Variants in SLC3A2 observed in about 807,000 individuals in gnomAD.
The protein encoded by SLC3A2 is solute carrier family 3 member 2.
SLC3A2 carries 32 observed loss-of-function variants against 48.5 expected under a neutral mutation model. The ratio of observed to expected loss-of-function variants is 0.66; its 90% confidence interval spans 0.50 to 0.89. The LOEUF (loss-of-function observed/expected upper bound fraction) is 0.89, where lower values mean the gene tolerates loss of function less well. SLC3A2 is among the 40% of genes least tolerant of loss of function. The pLI, the probability that SLC3A2 is intolerant of heterozygous loss-of-function variation, is 0.00. For synonymous variants in SLC3A2, 277 were observed against 288.8 expected (o/e 0.96, Z 0.41); for missense variants, 587 against 680.7 (o/e 0.86, Z 1.53).
At chr11:62,883,839 A>G (rs981247810) in intron 3 of SLC3A2, 1 of 363,714 alleles carries the variant, frequency 2.7e-6, no homozygotes, top group Non-Finnish European at 5.5e-6. Flanking sequence ...AATGGGGGTG[A>G]AGTTCCACAG....
chr11:62,859,538 C>T (rs975347776), intron 1 of SLC3A2, among the ~76,000 whole-genome samples: 6 of 152,008 alleles, frequency 3.9e-5, no homozygotes, highest in Non-Finnish European at 8.8e-5. Flanking sequence ...AAAAATAAGC[C>T]GGGCGTGGTG....
chr11:62,857,069 T>C (rs2085337590), intron 1 of SLC3A2, among the ~76,000 whole-genome samples: 1 of 152,072 alleles, frequency 6.6e-6, no homozygotes, highest in South Asian at 2.1e-4. Context: ...GTGATCCGCC[T>C]GCCTCGGCCT....
rs547760287 is a variant in SLC3A2 at position 62,856,719 on chromosome 11, G to C, written c.112+338G>C. On this transcript the variant is annotated intron_variant, in intron 1 of 9. Coordinates refer to the SLC3A2 transcript ENST00000377889. The stretch of plus-strand genomic sequence containing the variant: ...GCTGCAACTCCTGCCTGATCAATAT[G>C]GTTGCAGTCAGCTATAGACTGTTTT... Among the ~76,000 whole-genome samples, 446 of 152,280 alleles carry C rather than the reference G, an allele frequency of 2.9e-3. 2 individuals are homozygous for C. Among genetic ancestry groups the C allele is most frequent in the African/African-American group, 9.4e-3 (391 of 41,552 alleles).
intron 3 of SLC3A2, chr11:62,883,481 A>G (rs1302467913): frequency 1.1e-5 from 2 of 183,890 alleles, no homozygotes; most frequent in Admixed American, 5.3e-5. Flanking sequence ...ATAATTTGCC[A>G]TAGGTTCAAA....
chr11:62,859,246 G>A (rs1450625068), intron 1 of SLC3A2, among the ~76,000 whole-genome samples: 1 of 152,136 alleles, frequency 6.6e-6, no homozygotes, highest in Non-Finnish European at 1.5e-5. Context: ...CTCTTAAGGA[G>A]CATGCTGCCT....
In SLC3A2 at chr11:62,881,381, A is replaced by C. The variant is rs745569748; in HGVS notation, c.358A>C (p.Thr120Pro). Residue 120 changes from threonine to proline, a missense_variant, in exon 1 of 9, where the codon ACG becomes CCG. Physicochemically the swap from Thr to Pro is conservative, Grantham distance 38 (BLOSUM62 -1). Coordinates refer to ENST00000338663, the MANE Select transcript of SLC3A2 (RefSeq NM_001013251.3). This position sits in a 1 kb window ranked among gnomAD's most constrained non-coding sequence, Gnocchi z 4.0. ...GCTACCGGCGCAGAAGTGGTGGCAC[A>C]CGGGCGCCCTCTACCGCATCGGCGA... ...RELPAQKWWH[T>P]GALYRIGDLQ... is the part of the protein sequence containing the mutation. 11 of 1,597,096 alleles carry C rather than the reference A, an allele frequency of 6.9e-6. No homozygotes were observed. Among genetic ancestry groups the C allele is most frequent in the Non-Finnish European group, 9.3e-6 (11 of 1,177,622 alleles).
At position 62,884,698 on chromosome 11, in the gene SLC3A2, C is replaced by T. The variant is rs199869359; in HGVS notation, c.818+8C>T. The T allele has an allele frequency of 3.9e-5, 62 of 1,588,068 alleles. No homozygotes were observed. In the African/African-American group the frequency reaches 7.4e-4, roughly 19 times the overall value. On this transcript the variant is annotated splice_region_variant and intron_variant, in intron 5 of 8. Coordinates refer to ENST00000338663, the MANE Select transcript of SLC3A2 (RefSeq NM_001013251.3). The stretch of plus-strand genomic sequence containing the variant: ...GGGCTTCAGTGAAGACAGGTGGGTG[C>T]AGGAGCCATTCTGCTGACTCAGCTC...
intron 1 of SLC3A2, among the ~76,000 whole-genome samples, chr11:62,873,000 C>T (rs1199333619): frequency 1.3e-5 from 2 of 152,092 alleles, no homozygotes; most frequent in Non-Finnish European, 2.9e-5. Context: ...ATTTTATATT[C>T]TCTTTCACCT....
intron 1 of SLC3A2, among the ~76,000 whole-genome samples, chr11:62,864,370 C>A (rs496788): frequency 6.6e-6 from 1 of 151,636 alleles, no homozygotes; most frequent in Non-Finnish European, 1.5e-5. Context: ...CTCACTGCAA[C>A]TTCCACCTTC....
At chr11:62,859,889 G>C (rs530394843) in intron 1 of SLC3A2, among the ~76,000 whole-genome samples, 1 of 152,106 alleles carries the variant, frequency 6.6e-6, no homozygotes, top group African/African-American at 2.4e-5. Context: ...CAGGTGGGAC[G>C]AGAGACTGAG....
At chr11:62,869,746 A>G (rs1434163560) in intron 1 of SLC3A2, among the ~76,000 whole-genome samples, 4 of 150,714 alleles carry the variant, frequency 2.7e-5, no homozygotes, top group Non-Finnish European at 4.4e-5. Flanking sequence ...AATGTTGCAC[A>G]ATTTATTTGT....
chr11:62,878,527 G>A (rs183173362), upstream of SLC3A2, among the ~76,000 whole-genome samples: 682 of 151,034 alleles, frequency 4.5e-3, 4 homozygotes, highest in African/African-American at 0.016. Flanking sequence ...GTGCAGTGGC[G>A]CGATTTTGGC....
chr11:62,872,890 C>T (rs1057159778), intron 1 of SLC3A2, among the ~76,000 whole-genome samples: 9 of 152,236 alleles, frequency 5.9e-5, no homozygotes, highest in African/African-American at 2.2e-4. Flanking sequence ...GCGTGAGCCA[C>T]TGTGCCTGGC....
At chr11:62,874,229 G>A (rs2085548222) in intron 1 of SLC3A2, among the ~76,000 whole-genome samples, 2 of 151,694 alleles carry the variant, frequency 1.3e-5, no homozygotes, top group African/African-American at 4.8e-5. Context: ...ATCATTTTAA[G>A]GTCTCTTATT....
At chr11:62,861,573 C>G (rs1470803351) in intron 1 of SLC3A2, among the ~76,000 whole-genome samples, 1 of 152,170 alleles carries the variant, frequency 6.6e-6, no homozygotes, top group Non-Finnish European at 1.5e-5. Flanking sequence ...CTGGCTTCTT[C>G]CCTTCTAGTT....
chr11:62,877,083 G>A (rs1363853875), upstream of SLC3A2, among the ~76,000 whole-genome samples: 2 of 137,962 alleles, frequency 1.4e-5, no homozygotes, highest in East Asian at 4.2e-4. Flanking sequence ...TTTTTTGAGA[G>A]ATAGTCTTGC....
intron 5 of SLC3A2, among the ~76,000 whole-genome samples, 190 bp from the exon 6 acceptor site, chr11:62,884,987 A>G (rs1047673818): frequency 3.1e-4 from 47 of 151,732 alleles, no homozygotes; most frequent in African/African-American, 1.1e-3. Flanking sequence ...GCGGGCCACC[A>G]CACCTGGCTA....
chr11:62,871,951 C>T (rs944060591), intron 1 of SLC3A2, among the ~76,000 whole-genome samples: 10 of 151,852 alleles, frequency 6.6e-5, no homozygotes, highest in African/African-American at 1.9e-4. Context: ...CTTGCTCTGT[C>T]GCCCAGGCTG....
intron 1 of SLC3A2, among the ~76,000 whole-genome samples, chr11:62,866,354 G>A (rs1028092462): frequency 2.6e-4 from 39 of 151,774 alleles, no homozygotes; most frequent in African/African-American, 8.9e-4. Context: ...CTGACCTCAG[G>A]TGATCCATCC....
Sources: allele counts gnomAD v4.1 joint callset (sites outside exome capture counted in the v4.1 genomes callset), GRCh38; gene constraint gnomAD v4.1.1; non-coding constraint Gnocchi (gnomAD v3.1); transcripts MANE v1.5; gene names NCBI Gene and HGNC (gene_info 2026-07-23, HGNC 2026-07-21).